Variants in STAG1 observed in about 807,000 individuals in gnomAD.
STAG1 encodes cohesin subunit SA-1.
Under a neutral mutation model 170.9 loss-of-function variants are expected in STAG1, and 26 were observed. That is an observed-to-expected ratio of 0.15 (90% CI 0.11 to 0.21). The LOEUF is 0.21. STAG1 is among the 10% of genes least tolerant of loss of function. The pLI is 1.00. For synonymous variants in STAG1, 514 were observed against 497.7 expected (o/e 1.03, Z -0.44); for missense variants, 964 against 1,509.5 (o/e 0.64, Z 5.99).
At chr3:136,594,977 C>A (rs1938357810) in intron 4 of STAG1, among the ~76,000 whole-genome samples, 1 of 152,066 alleles carries the variant, frequency 6.6e-6, no homozygotes, top group South Asian at 2.1e-4. Context: ...GCCATGTTGC[C>A]CAGGCTAGTC....
intron 4 of STAG1, among the ~76,000 whole-genome samples, chr3:136,592,175 T>C (rs775656913): frequency 4.2e-4 from 64 of 152,158 alleles, no homozygotes; most frequent in Non-Finnish European, 7.4e-5. Context: ...TACAGACCCA[T>C]ACTTGCTGAT....
intron 15 of STAG1, among the ~76,000 whole-genome samples, chr3:136,441,693 T>C (rs1414545799): frequency 6.6e-6 from 1 of 152,102 alleles, no homozygotes; most frequent in Non-Finnish European, 1.5e-5. Flanking sequence ...GGATGGCTCA[T>C]TATGCTCTTG....
intron 1 of STAG1, among the ~76,000 whole-genome samples, chr3:136,683,986 A>T (rs1002847827): frequency 1.3e-5 from 2 of 152,234 alleles, no homozygotes; most frequent in Non-Finnish European, 2.9e-5. Context: ...CATGTACAAG[A>T]TATATATGAG....
intron 1 of STAG1, among the ~76,000 whole-genome samples, chr3:136,646,859 C>T (rs555416251): frequency 2.9e-4 from 44 of 152,022 alleles, no homozygotes; most frequent in African/African-American, 1.0e-3. Context: ...TTGCAGTGAG[C>T]CGAGATCACG....
chr3:136,447,631 G>C (rs2088822220), intron 14 of STAG1, among the ~76,000 whole-genome samples: 1 of 107,940 alleles, frequency 9.3e-6, no homozygotes, highest in African/African-American at 3.8e-5. Flanking sequence ...TTTTGAGACA[G>C]AGTCTTAAAC....
chr3:136,550,570 T>C (rs1156432904), intron 5 of STAG1, among the ~76,000 whole-genome samples: 2 of 152,204 alleles, frequency 1.3e-5, no homozygotes, highest in Admixed American at 1.3e-4. Context: ...GCCTCACAAA[T>C]TGCTGGAATT....
chr3:136,568,137 A>T (rs534123008), intron 5 of STAG1, among the ~76,000 whole-genome samples: 1 of 152,220 alleles, frequency 6.6e-6, no homozygotes, highest in East Asian at 1.9e-4. Flanking sequence ...TCAATTAAAG[A>T]TTACTATTCT....
intron 1 of STAG1, among the ~76,000 whole-genome samples, chr3:136,645,625 T>C (rs1421532421): frequency 1.3e-5 from 2 of 152,238 alleles, no homozygotes; most frequent in Admixed American, 1.3e-4. Context: ...CATGAAAATA[T>C]TAAGCTTTAT....
chr3:136,451,169 T>C (rs2088929189), intron 14 of STAG1, among the ~76,000 whole-genome samples: 1 of 143,212 alleles, frequency 7.0e-6, no homozygotes, highest in Non-Finnish European at 1.5e-5. Flanking sequence ...TACAATATAT[T>C]AAAAAAAAAA....
chr3:136,587,545 A>G (rs1208052388), intron 4 of STAG1, among the ~76,000 whole-genome samples: 2 of 150,514 alleles, frequency 1.3e-5, no homozygotes, highest in African/African-American at 4.9e-5. Flanking sequence ...CCATCTCAAA[A>G]AAAAAAAAAA....
At chr3:136,573,830 GC>G (rs1359628041) in intron 4 of STAG1, among the ~76,000 whole-genome samples, 1 of 151,982 alleles carries the variant, frequency 6.6e-6, no homozygotes, top group African/African-American at 2.4e-5. Flanking sequence ...AATTAGCGGG[GC>G]GTGGTGGTGG....
intron 1 of STAG1, among the ~76,000 whole-genome samples, chr3:136,719,734 A>C (rs1016438738): frequency 1.3e-5 from 2 of 151,362 alleles, no homozygotes; most frequent in Non-Finnish European, 2.9e-5. Flanking sequence ...AACTTGCTCC[A>C]AAGTTTCAGC....
intron 14 of STAG1, among the ~76,000 whole-genome samples, chr3:136,447,624 T>G (rs998546276): frequency 1.1e-3 from 83 of 75,066 alleles, no homozygotes; most frequent in African/African-American, 3.0e-3. Context: ...TTTTTTTTTT[T>G]GAGACAGAGT....
At chr3:136,594,602 T>C (rs1163390569) in intron 4 of STAG1, among the ~76,000 whole-genome samples, 8 of 152,212 alleles carry the variant, frequency 5.3e-5, no homozygotes, top group Non-Finnish European at 1.2e-4. Context: ...TGCTTAGTGT[T>C]AATCAACAGT....
At chr3:136,407,320 C>T (rs1027718895) in intron 21 of STAG1, among the ~76,000 whole-genome samples, 8 of 152,096 alleles carry the variant, frequency 5.3e-5, no homozygotes, top group African/African-American at 1.9e-4. Flanking sequence ...CCACTGTGCC[C>T]AGCCTCTTTC....
At chr3:136,669,442 C>T (rs964172037) in intron 1 of STAG1, among the ~76,000 whole-genome samples, 7 of 152,114 alleles carry the variant, frequency 4.6e-5, no homozygotes, top group African/African-American at 4.8e-5. Context: ...CAGCCTTGAA[C>T]CCCCGGGCTC....
intron 6 of STAG1, among the ~76,000 whole-genome samples, chr3:136,529,127 A>C (rs1321781259): frequency 6.6e-6 from 1 of 152,174 alleles, no homozygotes; most frequent in Non-Finnish European, 1.5e-5. Context: ...GACAAAAATA[A>C]AGAAAAATGA....
chr3:136,516,923 C>A (rs745337832), intron 7 of STAG1, among the ~76,000 whole-genome samples: 1 of 152,224 alleles, frequency 6.6e-6, no homozygotes, highest in South Asian at 2.1e-4. Flanking sequence ...ATTCTATCAA[C>A]CACAGTATTA....
intron 1 of STAG1, among the ~76,000 whole-genome samples, chr3:136,728,969 C>G (rs892851326): frequency 6.6e-6 from 1 of 152,066 alleles, no homozygotes; most frequent in Non-Finnish European, 1.5e-5. Flanking sequence ...GAGAGACAGT[C>G]TCTTCTGTAA....
Sources: allele counts gnomAD v4.1 joint callset (sites outside exome capture counted in the v4.1 genomes callset), GRCh38; gene constraint gnomAD v4.1.1; transcripts MANE v1.5; gene names NCBI Gene and HGNC (gene_info 2026-07-23, HGNC 2026-07-21).